ZNF469: variants seen among roughly 807,000 people sequenced by gnomAD.
The protein encoded by ZNF469 is zinc finger protein 469.
In ZNF469, 1 loss-of-function variant was observed where a neutral mutation model predicts 1.0. The ratio of observed to expected loss-of-function variants is 1.00; its 90% CI spans 0.35 to 4.73. ZNF469 has a LOEUF of 4.73. ZNF469 is among the 30% of genes most tolerant of loss of function. ZNF469 has a pLI of 0.16. For synonymous variants in ZNF469, 2,703 were observed against 2,363.4 expected (o/e 1.14, Z -4.17); for missense variants, 6,100 against 5,356.3 (o/e 1.14, Z -4.33).
the ZNF469 span, among the ~76,000 whole-genome samples, chr16:88,119,586 C>T: frequency 2.0e-4 from 31 of 152,158 alleles, no homozygotes; most frequent in Non-Finnish European, 4.0e-4. Flanking sequence ...GTCACGGGGC[C>T]GGCAGCCTGG....
chr16:88,204,799 C>T, the ZNF469 span, among the ~76,000 whole-genome samples: 11 of 152,216 alleles, frequency 7.2e-5, no homozygotes, highest in African/African-American at 2.6e-4. Context: ...GATTTGCTGC[C>T]GAGAAGTCTG....
chr16:88,277,395 C>G, the ZNF469 span, among the ~76,000 whole-genome samples: 1 of 149,306 alleles, frequency 6.7e-6, no homozygotes, highest in Non-Finnish European at 1.5e-5. Flanking sequence ...CGCTGACACT[C>G]GGTCAGTACC....
the ZNF469 span, among the ~76,000 whole-genome samples, chr16:88,267,782 G>A: frequency 6.6e-6 from 1 of 151,610 alleles, no homozygotes; most frequent in Non-Finnish European, 1.5e-5. Flanking sequence ...CACCGTGGCT[G>A]TTTGCAGGTC....
the ZNF469 span, among the ~76,000 whole-genome samples, chr16:88,304,553 T>C: frequency 3.3e-5 from 5 of 152,010 alleles, no homozygotes; most frequent in African/African-American, 4.8e-5. Flanking sequence ...TGTTCCCATA[T>C]CCACCCGACT....
chr16:88,407,090 C>T (rs999285219), intron 1 of ZNF469, among the ~76,000 whole-genome samples: 1 of 126,198 alleles, frequency 7.9e-6, no homozygotes, highest in Non-Finnish European at 1.7e-5. Context: ...CGCACCTGGG[C>T]CTTTGCTCTT....
chr16:88,188,852 A>G, the ZNF469 span, among the ~76,000 whole-genome samples: 1 of 152,108 alleles, frequency 6.6e-6, no homozygotes, highest in Non-Finnish European at 1.5e-5. Context: ...GCACAGCCTT[A>G]GATGCTAGTC....
chr16:88,233,811 C>T, the ZNF469 span, among the ~76,000 whole-genome samples: 12 of 152,222 alleles, frequency 7.9e-5, no homozygotes, highest in Non-Finnish European at 1.3e-4. Context: ...CTCCTGTGCG[C>T]GAGCGCTTTG....
In ZNF469 at chr16:88,433,784, C is replaced by T. The variant is rs543961799; in HGVS notation, c.6314C>T (p.Pro2105Leu). 15 of 1,549,720 alleles carry T rather than the reference C, an allele frequency of 9.7e-6. No homozygotes were observed. In the South Asian group the frequency reaches 1.5e-4, roughly 16 times the overall value. Reference sequence around the variant, plus strand: ...CTGGCCACAGGGGATAGCCCAGCACCCTCTGTCGGGGACCTGGCCGCCTGC... The same window carrying T: ...CTGGCCACAGGGGATAGCCCAGCACTCTCTGTCGGGGACCTGGCCGCCTGC... ...PLLATGDSPA[P>L]SVGDLAACAP... Residue 2105 changes from proline to leucine, a missense_variant, in exon 3 of 3, where the codon CCC (proline) becomes CTC (leucine). Pro to Leu is a moderately conservative substitution (Grantham distance 98). Transcript: ENST00000565624.
the ZNF469 span, among the ~76,000 whole-genome samples, chr16:88,164,126 A>T: frequency 4.2e-5 from 6 of 141,540 alleles, no homozygotes; most frequent in Admixed American, 4.2e-4. Flanking sequence ...GGGTAGACGG[A>T]TGGGTAGATG....
At chr16:88,353,896 C>A in the ZNF469 span, among the ~76,000 whole-genome samples, 1 of 152,176 alleles carries the variant, frequency 6.6e-6, no homozygotes, top group Admixed American at 6.5e-5. Flanking sequence ...CCCTCCCCTC[C>A]CTGCTGTTGG....
Position 88,429,963 on chromosome 16 carries a change from C to A in ZNF469, c.2493C>A (p.Asp831Glu), listed in dbSNP as rs1358356473. Residue 831 changes from aspartate (D) to glutamate (E), a missense_variant, in exon 3 of 3, where the codon GAC (aspartate) becomes GAA (glutamate). Physicochemically the swap from Asp to Glu is conservative, Grantham distance 45 (BLOSUM62 2). Transcript: ENST00000565624. Reference sequence around the variant, plus strand: ...CCCCCTTCCCGCTCCCTGCCTCGGACCTGGACATGGAGGATGACGCCAAGC... The same window carrying A: ...CCCCCTTCCCGCTCCCTGCCTCGGAACTGGACATGGAGGATGACGCCAAGC... ...AATPFPLPAS[D>E]LDMEDDAKLD... 3.9e-6 allele frequency: 6 copies of A among 1,550,348 alleles called. No homozygotes were observed. Among genetic ancestry groups the A allele is most frequent in the Non-Finnish European group, 4.4e-6 (5 of 1,146,956 alleles).
chr16:88,116,361 G>A, the ZNF469 span, among the ~76,000 whole-genome samples: 7 of 152,092 alleles, frequency 4.6e-5, no homozygotes, highest in Non-Finnish European at 7.4e-5. Flanking sequence ...CAGCGATGCC[G>A]CAATGCCGCA....
chr16:88,349,810 T>TG, the ZNF469 span, among the ~76,000 whole-genome samples: 1 of 4,396 alleles, frequency 2.3e-4, no homozygotes, highest in Non-Finnish European at 4.6e-4. Flanking sequence ...ATTACACACA[T>TG]CACAAATGCA....
At chr16:88,203,673 C>A in the ZNF469 span, among the ~76,000 whole-genome samples, 1 of 152,144 alleles carries the variant, frequency 6.6e-6, no homozygotes, top group Non-Finnish European at 1.5e-5. Flanking sequence ...TGGCTTGTGG[C>A]CATGCCACTC....
chr16:88,122,517 ACT>A, the ZNF469 span, among the ~76,000 whole-genome samples: 16 of 151,186 alleles, frequency 1.1e-4, no homozygotes, highest in African/African-American at 3.4e-4. Context: ...CTCAGATCAC[ACT>A]CTGTCACTTG....
chr16:88,390,923 C>A (rs1382892403), intron 1 of ZNF469, among the ~76,000 whole-genome samples: 1 of 152,236 alleles, frequency 6.6e-6, no homozygotes, highest in Non-Finnish European at 1.5e-5. Context: ...AGAACTGAAA[C>A]CTCTGGCAGC....
At chr16:88,120,946 G>A in the ZNF469 span, among the ~76,000 whole-genome samples, 2 of 152,130 alleles carry the variant, frequency 1.3e-5, no homozygotes, top group Non-Finnish European at 2.9e-5. Context: ...TTTCTTGGCC[G>A]CAGGCGTTGG....
chr16:88,303,471 C>A, the ZNF469 span, among the ~76,000 whole-genome samples: 1 of 152,308 alleles, frequency 6.6e-6, no homozygotes, highest in East Asian at 1.9e-4. Flanking sequence ...AAGGGCCCAC[C>A]ACAGCCTGCA....
At chr16:88,173,128 C>G in the ZNF469 span, among the ~76,000 whole-genome samples, 5 of 152,092 alleles carry the variant, frequency 3.3e-5, no homozygotes, top group South Asian at 1.0e-3. Context: ...TGATAAATCC[C>G]ATGTAGAATA....
Sources: gnomAD v4.1 joint callset for allele counts (sites outside exome capture counted in the v4.1 genomes callset) on GRCh38, gnomAD v4.1.1 for gene constraint, MANE v1.5 for transcripts, NCBI Gene and HGNC (gene_info 2026-07-23, HGNC 2026-07-21) for gene names.